TSPAN7: variants seen among roughly 807,000 people sequenced by gnomAD.
The protein encoded by TSPAN7 is tetraspanin-7.
Under a neutral mutation model 17.6 loss-of-function variants are expected in TSPAN7, and 1 was observed. That is an observed-to-expected ratio of 0.06 (90% CI 0.02 to 0.27). The LOEUF (loss-of-function observed/expected upper bound fraction) is 0.27. TSPAN7 is among the 10% of genes least tolerant of loss of function. The pLI is 1.00. For synonymous variants in TSPAN7, 78 were observed against 79.0 expected (o/e 0.99, Z 0.07); for missense variants, 112 against 201.7 (o/e 0.56, Z 2.69).
At chrX:38,562,834 C>T in intron 1 of TSPAN7, 1 of 376,997 alleles carries the variant, frequency 2.7e-6, no homozygotes, top group Non-Finnish European at 3.9e-6. Context: ...AAATCTGGGT[C>T]ATTTTAGCTT....
At chrX:38,583,697 G>A (rs989661611) in intron 1 of TSPAN7, among the ~76,000 whole-genome samples, 2 of 111,399 alleles carry the variant, frequency 1.8e-5, no homozygotes, top group African/African-American at 6.5e-5. Context: ...GCTGAGTACT[G>A]AAGGATAAGA....
chrX:38,680,400 T>C (rs1441921019), intron 5 of TSPAN7, among the ~76,000 whole-genome samples: 3 of 111,368 alleles, frequency 2.7e-5, no homozygotes, highest in Non-Finnish European at 5.7e-5. Context: ...AATTAATGTC[T>C]TTATTTTTCG....
intron 1 of TSPAN7, among the ~76,000 whole-genome samples, chrX:38,561,896 G>A (rs909503988): frequency 9.0e-6 from 1 of 111,614 alleles, no homozygotes; most frequent in Non-Finnish European, 1.9e-5. Flanking sequence ...AAAAAAAAAT[G>A]TTAATGCATT....
intron 1 of TSPAN7, among the ~76,000 whole-genome samples, chrX:38,648,935 G>A (rs1206368877): frequency 4.7e-5 from 5 of 106,631 alleles, no homozygotes; most frequent in African/African-American, 1.7e-4. Context: ...AAAAAAAAAA[G>A]AAGTAACAGA....
intron 1 of TSPAN7, among the ~76,000 whole-genome samples, chrX:38,648,362 C>A (rs1432892472): frequency 1.8e-5 from 2 of 112,232 alleles, no homozygotes; most frequent in Non-Finnish European, 3.8e-5. Context: ...ATTTGCATCA[C>A]TACATGTGTC....
intron 1 of TSPAN7, among the ~76,000 whole-genome samples, chrX:38,591,018 T>A (rs1168437608): frequency 9.0e-6 from 1 of 111,153 alleles, no homozygotes; most frequent in Non-Finnish European, 1.9e-5. Context: ...GTTCTTTCAT[T>A]GTCTTATTGT....
At chrX:38,681,059 A>G in intron 5 of TSPAN7, 145 bp from the exon 6 acceptor site, 1 of 515,989 alleles carries the variant, frequency 1.9e-6, no homozygotes, top group Non-Finnish European at 3.5e-6. Flanking sequence ...AAGTTTGAAA[A>G]GAATGCTAAT....
chrX:38,577,815 A>G (rs923037427), intron 1 of TSPAN7, among the ~76,000 whole-genome samples: 1 of 110,285 alleles, frequency 9.1e-6, no homozygotes, highest in Admixed American at 9.6e-5. Flanking sequence ...AAGTATAAAA[A>G]AAAAAAAGAG....
chrX:38,593,018 A>AT (rs1166572282), intron 1 of TSPAN7, among the ~76,000 whole-genome samples: 1 of 109,843 alleles, frequency 9.1e-6, no homozygotes, highest in Non-Finnish European at 1.9e-5. Flanking sequence ...TTTGAAAGAT[A>AT]TTTTTGCTAG....
intron 1 of TSPAN7, among the ~76,000 whole-genome samples, chrX:38,593,086 GA>G (rs1404578412): frequency 9.0e-6 from 1 of 110,538 alleles, no homozygotes; most frequent in African/African-American, 3.3e-5. Flanking sequence ...GTTTCTCCTA[GA>G]TTTTTTTGCT....
At chrX:38,636,987 A>C (rs2069584476) in intron 1 of TSPAN7, among the ~76,000 whole-genome samples, 1 of 112,483 alleles carries the variant, frequency 8.9e-6, no homozygotes, top group Non-Finnish European at 1.9e-5. Context: ...TCTCTAATAA[A>C]ACTACAGTCC....
At chrX:38,604,765 C>T (rs958956219) in intron 1 of TSPAN7, among the ~76,000 whole-genome samples, 1 of 110,746 alleles carries the variant, frequency 9.0e-6, no homozygotes, top group Non-Finnish European at 1.9e-5. Flanking sequence ...ATACACAAAT[C>T]AATAAATGTA....
chrX:38,564,963 A>T (rs781364679), intron 1 of TSPAN7, among the ~76,000 whole-genome samples: 1 of 109,332 alleles, frequency 9.1e-6, no homozygotes, highest in South Asian at 3.9e-4. Flanking sequence ...GTTTATTTTT[A>T]TGAAGTCCAG....
At chrX:38,596,741 A>T (rs2069320696) in intron 1 of TSPAN7, among the ~76,000 whole-genome samples, 1 of 111,597 alleles carries the variant, frequency 9.0e-6, no homozygotes, top group Non-Finnish European at 1.9e-5. Flanking sequence ...CTAAAGTTTG[A>T]GAAGCACTAC....
chrX:38,644,717 G>A (rs1335268520), intron 1 of TSPAN7, among the ~76,000 whole-genome samples: 1 of 112,350 alleles, frequency 8.9e-6, no homozygotes, highest in Non-Finnish European at 1.9e-5. Context: ...TTGTAAAATT[G>A]TGAGGGTTGG....
rs1399735836 is a variant in TSPAN7 at position 38,675,815 on chromosome X, G to T, written c.552G>T (p.Gln184His). Residue 184 changes from glutamine to histidine, a missense_variant, in exon 5 of 8, where the codon CAG (glutamine) becomes CAT (histidine). By Grantham distance (24) the Gln-to-His change is conservative. Coordinates refer to ENST00000378482, the MANE Select transcript of TSPAN7 (RefSeq NM_004615.4). ...CCMNETDCNP[Q>H]DLHNLTVAAT... ...TGAACGAAACTGATTGTAATCCCCAGGATCTACACAATCTGACTGTGGCCG... is the reference window on the plus strand; with the variant it reads ...TGAACGAAACTGATTGTAATCCCCATGATCTACACAATCTGACTGTGGCCG... 8.6e-7 allele frequency: 1 copy of T among 1,164,433 alleles called. No homozygotes were observed. The highest frequency in any genetic ancestry group is 1.1e-6 in the Non-Finnish European group (1 of 871,191).
intron 1 of TSPAN7, among the ~76,000 whole-genome samples, chrX:38,592,051 G>A (rs1375478872): frequency 1.1e-4 from 12 of 111,564 alleles, no homozygotes; most frequent in Non-Finnish European, 2.1e-4. Flanking sequence ...GGCTGGAGCA[G>A]GAGGAAGAGA....
intron 2 of TSPAN7, among the ~76,000 whole-genome samples, chrX:38,668,681 C>CCAGTG (rs952440974): frequency 3.6e-5 from 4 of 111,898 alleles, no homozygotes; most frequent in African/African-American, 1.3e-4. Flanking sequence ...CACATTGTGT[C>CCAGTG]CAGTGTGTAT....
chrX:38,675,480 A>G (rs1317011663), intron 4 of TSPAN7, among the ~76,000 whole-genome samples: 1 of 111,786 alleles, frequency 8.9e-6, no homozygotes, highest in African/African-American at 3.3e-5. Context: ...AGGTAATAAG[A>G]AAGCCAATGT....
Sources: gnomAD v4.1 joint callset for allele counts (sites outside exome capture counted in the v4.1 genomes callset) on GRCh38, gnomAD v4.1.1 for gene constraint, MANE v1.5 for transcripts, NCBI Gene and HGNC (gene_info 2026-07-23, HGNC 2026-07-21) for gene names.